C8orf34: variants seen among roughly 807,000 people sequenced by gnomAD.
The protein encoded by C8orf34 is uncharacterized protein C8orf34.
In C8orf34, 65 loss-of-function variants were observed where a neutral mutation model predicts 68.3. That is an observed-to-expected ratio of 0.95 (90% CI 0.78 to 1.17). C8orf34 has a LOEUF of 1.17. Among genes scored for constraint, C8orf34 ranks in the 50% most tolerant of loss-of-function variants. C8orf34 has a pLI of 0.00. For missense variants in C8orf34, 664 were observed against 655.4 expected, an observed-to-expected ratio of 1.01 and a Z score of -0.14; for synonymous variants, 244 against 241.2, an observed-to-expected ratio of 1.01 and a Z score of -0.11.
intron 6 of C8orf34, among the ~76,000 whole-genome samples, chr8:68,532,368 A>G (rs1213551063): frequency 1.3e-5 from 2 of 152,194 alleles, no homozygotes; most frequent in Admixed American, 1.3e-4. Context: ...AAATGTTGAT[A>G]TTAATAAAAC....
At chr8:68,632,155 C>T (rs1818708363) in intron 7 of C8orf34, among the ~76,000 whole-genome samples, 1 of 152,086 alleles carries the variant, frequency 6.6e-6, no homozygotes, top group Non-Finnish European at 1.5e-5. Flanking sequence ...GTGACATGGA[C>T]AATGAAGTCT....
At chr8:68,364,876 G>A (rs1807172401) in intron 1 of C8orf34, among the ~76,000 whole-genome samples, 1 of 152,020 alleles carries the variant, frequency 6.6e-6, no homozygotes, top group South Asian at 2.1e-4. Context: ...GCAGGCAGAA[G>A]GCAAGAAATA....
rs1294454242 is a variant in C8orf34, at chr8:68,604,365, A to C, written c.1106-36011A>C. On this transcript the variant is annotated intron_variant, in intron 7 of 13. Coordinates refer to ENST00000518698, the MANE Select transcript of C8orf34 (RefSeq NM_052958.4). Reference sequence around the variant, plus strand: ...TTTTAAAATAAAATTCAGGAATAAAAGATTTAAATGACAAAAGATAAACAA... The same window carrying C: ...TTTTAAAATAAAATTCAGGAATAAACGATTTAAATGACAAAAGATAAACAA... Among the ~76,000 whole-genome samples the C allele has an allele frequency of 1.8e-4, 28 of 152,148 alleles. 2 individuals carry two copies. The highest frequency in any genetic ancestry group is 1.8e-3 in the Admixed American group (28 of 15,254).
At chr8:68,756,469 G>A (rs1822862993) in intron 10 of C8orf34, among the ~76,000 whole-genome samples, 2 of 152,112 alleles carry the variant, frequency 1.3e-5, no homozygotes, top group Admixed American at 1.3e-4. Flanking sequence ...GCATTCTGTT[G>A]ATCGGAAGTG....
chr8:68,473,391 G>A (rs10099635), intron 4 of C8orf34, among the ~76,000 whole-genome samples: 94,613 of 151,926 alleles, frequency 0.62, 29,512 homozygotes, highest in East Asian at 0.69. Context: ...TTATTATGCA[G>A]ATAGGCTTTC....
At chr8:68,422,573 G>A (rs916611592) in intron 1 of C8orf34, among the ~76,000 whole-genome samples, 1 of 152,174 alleles carries the variant, frequency 6.6e-6, no homozygotes, top group African/African-American at 2.4e-5. Context: ...GGCTGGTGTT[G>A]AGTTCCTCCA....
At chr8:68,525,517 C>T (rs1227675499) in intron 6 of C8orf34, 1 of 778,028 alleles carries the variant, frequency 1.3e-6, no homozygotes, top group Non-Finnish European at 2.2e-6. Context: ...TATTACATCC[C>T]TAGAAAAAGA....
rs141502848 is a variant in C8orf34, at chr8:68,660,436, G to T, written c.1241+19925G>T. Among the ~76,000 whole-genome samples, 189 of 152,234 alleles carry T rather than the reference G, an allele frequency of 1.2e-3. 6 individuals are homozygous for T. The East Asian group carries it at 0.032, about 26-fold the overall frequency. Reference sequence around the variant, plus strand: ...CAGCTTTTCACTCATGTTAACAGGGGGTCTGGAGGGTGAGAATTATCCACA... The same window carrying T: ...CAGCTTTTCACTCATGTTAACAGGGTGTCTGGAGGGTGAGAATTATCCACA... On this transcript the variant is annotated intron_variant, in intron 8 of 13. Transcript: ENST00000518698.
At chr8:68,763,845 A>G (rs1050323913) in intron 10 of C8orf34, among the ~76,000 whole-genome samples, 1 of 152,220 alleles carries the variant, frequency 6.6e-6, no homozygotes, top group Non-Finnish European at 1.5e-5. Context: ...TATGTCCACC[A>G]TAAAAGAGCT....
intron 12 of C8orf34, among the ~76,000 whole-genome samples, chr8:68,803,463 C>T (rs1298850109): frequency 6.6e-6 from 1 of 151,790 alleles, no homozygotes; most frequent in Non-Finnish European, 1.5e-5. Flanking sequence ...ACAAAAAATT[C>T]AGTGGCTTTG....
At chr8:68,377,102 C>A (rs1807835486) in intron 1 of C8orf34, among the ~76,000 whole-genome samples, 1 of 152,032 alleles carries the variant, frequency 6.6e-6, no homozygotes, top group South Asian at 2.1e-4. Context: ...AAGTAAGAAG[C>A]AAGAAGGGGC....
chr8:68,796,888 G>A (rs1347231306), intron 12 of C8orf34, among the ~76,000 whole-genome samples: 6 of 146,852 alleles, frequency 4.1e-5, no homozygotes, highest in Admixed American at 2.1e-4. Flanking sequence ...GTGCAGTGGC[G>A]CTAACTCGGC....
chr8:68,513,822 G>A (rs1248791384), intron 5 of C8orf34, among the ~76,000 whole-genome samples: 1 of 152,138 alleles, frequency 6.6e-6, no homozygotes, highest in African/African-American at 2.4e-5. Context: ...AGGGAGCAGG[G>A]AGTGGCAGGG....
chr8:68,667,540 G>T (rs1480542328), intron 8 of C8orf34, among the ~76,000 whole-genome samples: 4 of 152,128 alleles, frequency 2.6e-5, no homozygotes, highest in Non-Finnish European at 2.9e-5. Context: ...CCTACCCTGT[G>T]CAAGGATCTG....
intron 10 of C8orf34, among the ~76,000 whole-genome samples, chr8:68,735,570 A>T (rs115214307): frequency 6.6e-6 from 1 of 151,044 alleles, no homozygotes; most frequent in South Asian, 2.1e-4. Flanking sequence ...ACATTTACTT[A>T]TGTTAAATAA....
At chr8:68,441,229 C>T (rs933572704) in intron 2 of C8orf34, among the ~76,000 whole-genome samples, 1 of 152,148 alleles carries the variant, frequency 6.6e-6, no homozygotes, top group African/African-American at 2.4e-5. Flanking sequence ...GGCTGGGTTA[C>T]ATTCTCATCT....
At chr8:68,526,675 A>G (rs1815003734) in intron 6 of C8orf34, among the ~76,000 whole-genome samples, 1 of 139,096 alleles carries the variant, frequency 7.2e-6, no homozygotes, top group South Asian at 2.3e-4. Flanking sequence ...CCTTTAATTA[A>G]TGACTGGAGT....
At chr8:68,590,205 G>A (rs1232968673) in intron 7 of C8orf34, among the ~76,000 whole-genome samples, 1 of 143,214 alleles carries the variant, frequency 7.0e-6, no homozygotes, top group African/African-American at 2.6e-5. Context: ...GAAAGGGGGA[G>A]GGAGGGCAGG....
intron 12 of C8orf34, among the ~76,000 whole-genome samples, chr8:68,800,168 A>G (rs1052557450): frequency 5.3e-5 from 8 of 152,320 alleles, no homozygotes; most frequent in African/African-American, 1.7e-4. Context: ...GAAGAACTCT[A>G]ATGAGAGCAT....
Sources: gnomAD v4.1 joint callset for allele counts (sites outside exome capture counted in the v4.1 genomes callset) on GRCh38, gnomAD v4.1.1 for gene constraint, MANE v1.5 for transcripts, NCBI Gene and HGNC (gene_info 2026-07-23, HGNC 2026-07-21) for gene names.